TBC1D1: variants seen among roughly 807,000 people sequenced by gnomAD.
TBC1D1 encodes the protein TBC1 (tre-2/USP6, BUB2, cdc16) domain family, member 1.
Under a neutral mutation model 125.6 loss-of-function variants are expected in TBC1D1, and 89 were observed. That is an observed-to-expected ratio of 0.71 (90% CI 0.60 to 0.85). TBC1D1 has a LOEUF of 0.85. Among genes scored for constraint, TBC1D1 ranks in the 40% least tolerant of loss-of-function variants. TBC1D1 has a pLI of 0.00. For synonymous variants in TBC1D1, 565 were observed against 564.1 expected (o/e 1.00, Z -0.02); for missense variants, 1,377 against 1,469.2 (o/e 0.94, Z 1.03).
At chr4:38,041,143 G>A (rs1748282193) in intron 8 of TBC1D1, among the ~76,000 whole-genome samples, 1 of 152,072 alleles carries the variant, frequency 6.6e-6, no homozygotes, top group South Asian at 2.1e-4. Context: ...TCTCTTTTAT[G>A]CTTTGAAAAA....
chr4:37,989,147 G>A (rs1365513227), intron 2 of TBC1D1, among the ~76,000 whole-genome samples: 1 of 152,120 alleles, frequency 6.6e-6, no homozygotes, highest in Non-Finnish European at 1.5e-5. Flanking sequence ...TTAACTAAGA[G>A]TCTGGCACAT....
intron 7 of TBC1D1, among the ~76,000 whole-genome samples, chr4:38,031,454 CTT>C: frequency 6.6e-6 from 1 of 152,190 alleles, no homozygotes; most frequent in African/African-American, 2.4e-5. Flanking sequence ...AGACTGAAAA[CTT>C]TAAGTTTTAA....
chr4:37,983,490 T>C (rs947754349), intron 2 of TBC1D1, among the ~76,000 whole-genome samples: 6 of 152,316 alleles, frequency 3.9e-5, no homozygotes, highest in African/African-American at 1.4e-4. Context: ...TGCCCAGCTT[T>C]TTCTTCTTCC....
intron 2 of TBC1D1, among the ~76,000 whole-genome samples, chr4:37,909,904 A>G (rs559926606): frequency 6.6e-6 from 1 of 152,204 alleles, no homozygotes; most frequent in Non-Finnish European, 1.5e-5. Context: ...CACACTAGAC[A>G]GAAGTTGGTT....
At chr4:38,134,707 G>A (rs1766182769) in intron 19 of TBC1D1, among the ~76,000 whole-genome samples, 1 of 152,226 alleles carries the variant, frequency 6.6e-6, no homozygotes, top group South Asian at 2.1e-4. Context: ...TGGTGACAGA[G>A]CATAGAAAGT....
At position 38,015,114 on chromosome 4, in the gene TBC1D1, T is replaced by G. The variant is rs1742417217; in HGVS notation, c.882+141T>G. 2.4e-5 allele frequency: 18 copies of G among 748,574 alleles called. 1 individual carries two copies. In the South Asian group the frequency reaches 4.0e-4, roughly 17 times the overall value. 46.4% of individuals were successfully genotyped at this position (748,574 alleles called of 1,614,324 possible). ...TATATTTTCATGCTGAACAATTCTA[T>G]TCTTAGGATAAGCTCCTTCCTTTAG... On this transcript the variant is annotated intron_variant, in intron 3 of 19. Transcript: ENST00000261439.
At chr4:38,057,941 C>T (rs1185055549) in intron 12 of TBC1D1, among the ~76,000 whole-genome samples, 2 of 152,218 alleles carry the variant, frequency 1.3e-5, no homozygotes, top group East Asian at 3.8e-4. Flanking sequence ...CTGCGGGACC[C>T]TCTGGAGGTG....
At chr4:38,006,885 C>G in intron 2 of TBC1D1, 1 of 496,076 alleles carries the variant, frequency 2.0e-6, no homozygotes, top group South Asian at 1.5e-5. Flanking sequence ...TCCTGATGCT[C>G]ATCTCTGCAG....
intron 12 of TBC1D1, among the ~76,000 whole-genome samples, chr4:38,080,544 A>C (rs912350743): frequency 1.3e-5 from 2 of 152,212 alleles, no homozygotes; most frequent in Non-Finnish European, 2.9e-5. Context: ...ACTTGCAGTC[A>C]TCAAATTCAT....
Position 38,129,329 on chromosome 4 carries a change from C to A in TBC1D1, c.3133-3755C>A, listed in dbSNP as rs148655140. Among the ~76,000 whole-genome samples, 12 of 152,212 alleles carry A rather than the reference C, an allele frequency of 7.9e-5. No homozygotes were observed. The East Asian group carries it at 2.3e-3, about 29-fold the overall frequency. Reference sequence around the variant, plus strand: ...CCGTCACTTCTTGGGCAGTTTGCACCGTGGAAAAGGAGTAGTTTTGTACGA... The same window carrying A: ...CCGTCACTTCTTGGGCAGTTTGCACAGTGGAAAAGGAGTAGTTTTGTACGA... On this transcript the variant is annotated intron_variant, in intron 18 of 19. Coordinates refer to ENST00000261439, the MANE Select transcript of TBC1D1 (RefSeq NM_015173.4).
chr4:37,989,470 A>C (rs1230269089), intron 2 of TBC1D1, among the ~76,000 whole-genome samples: 1 of 152,122 alleles, frequency 6.6e-6, no homozygotes, highest in African/African-American at 2.4e-5. Flanking sequence ...TATAGCCCCG[A>C]CCACCTTGAG....
chr4:38,054,267 C>G lies in TBC1D1; in HGVS notation c.1979C>G (p.Ser660Cys). 1 of 1,614,198 alleles carries G rather than the reference C, an allele frequency of 6.2e-7. No individual in the cohort carries two copies. The highest frequency in any genetic ancestry group is 8.5e-7 in the Non-Finnish European group (1 of 1,180,024). Residue 660 changes from serine (S) to cysteine (C), a missense_variant, in exon 12 of 20, where the codon TCC becomes TGC. Physicochemically the swap from Ser to Cys is moderately radical, Grantham distance 112. Around this residue, in one of 3 missense-constraint regions of TBC1D1, gnomAD observed 12 missense variants for 31.1 expected, o/e 0.39. Coordinates refer to ENST00000261439, the MANE Select transcript of TBC1D1 (RefSeq NM_015173.4). ...ACTCCTGTGAAGACCCGGAGGCATT[C>G]CTGGAGGCAGCAGATATTCCTCCGA...
chr4:37,944,801 G>A (rs146434269), intron 2 of TBC1D1, among the ~76,000 whole-genome samples: 2,658 of 152,262 alleles, frequency 0.017, 90 homozygotes, highest in African/African-American at 0.06. Context: ...GCGATGCCTC[G>A]CCCTGCTTCG....
intron 11 of TBC1D1, among the ~76,000 whole-genome samples, chr4:38,053,627 T>G (rs149785432): frequency 0.01 from 1,556 of 152,344 alleles, 25 homozygotes; most frequent in African/African-American, 0.036. Context: ...GTCCTGTGAA[T>G]AGGAGAAAAC....
Position 37,960,964 on chromosome 4 carries a change from A to G in TBC1D1, c.418-53545A>G, listed in dbSNP as rs1272821891. 2.5e-6 allele frequency: 4 copies of G among 1,614,050 alleles called. No individual in the cohort carries two copies. Among genetic ancestry groups the G allele is most frequent in the South Asian group, 1.1e-5 (1 of 91,058 alleles). On this transcript the variant is annotated intron_variant, in intron 2 of 19. Transcript: ENST00000261439. Reference sequence around the variant, plus strand: ...ATGCCCTCTCCACCATGGGAATGCAATCTGTTTGCAGTCTCCTTCAAGCAT... The same window carrying G: ...ATGCCCTCTCCACCATGGGAATGCAGTCTGTTTGCAGTCTCCTTCAAGCAT...
intron 17 of TBC1D1, among the ~76,000 whole-genome samples, chr4:38,119,438 A>G (rs538654529): frequency 7.4e-4 from 113 of 152,228 alleles, no homozygotes; most frequent in African/African-American, 2.5e-3. Context: ...TAAAATCACT[A>G]AATTAAAATA....
intron 17 of TBC1D1, among the ~76,000 whole-genome samples, chr4:38,124,246 A>C (rs540221045): frequency 6.6e-6 from 1 of 152,222 alleles, no homozygotes; most frequent in South Asian, 2.1e-4. Flanking sequence ...CTTCAACTCT[A>C]TGAGGAAGGT....
chr4:37,950,397 T>G (rs1727582714), intron 2 of TBC1D1, among the ~76,000 whole-genome samples: 1 of 151,960 alleles, frequency 6.6e-6, no homozygotes, highest in South Asian at 2.1e-4. Context: ...TTGTGAATGG[T>G]TCATAAAGTT....
At chr4:37,963,628 G>T (rs1352446916) in intron 2 of TBC1D1, among the ~76,000 whole-genome samples, 1 of 152,218 alleles carries the variant, frequency 6.6e-6, no homozygotes. Context: ...CTGCACTCCA[G>T]CTTGGGTGAC....
Sources: gnomAD v4.1 joint callset for allele counts (sites outside exome capture counted in the v4.1 genomes callset) on GRCh38, gnomAD v4.1.1 for gene constraint, gnomAD v4.1.1 regional missense constraint, MANE v1.5 for transcripts, NCBI Gene and HGNC (gene_info 2026-07-23, HGNC 2026-07-21) for gene names.